The following CRPPA variants were observed in gnomAD, a reference collection of about 807,000 sequenced individuals.
CRPPA encodes the protein CDP-L-ribitol pyrophosphorylase A, also known as D-ribitol-5-phosphate cytidylyltransferase.
CRPPA carries 43 observed loss-of-function variants against 52.0 expected under a neutral mutation model. The observed-to-expected ratio is 0.83, with a 90% confidence interval of 0.65 to 1.07. The LOEUF is 1.07. CRPPA is among the 50% of genes least tolerant of loss of function. The pLI is 0.00. For synonymous variants in CRPPA, 250 were observed against 203.5 expected (o/e 1.23, Z -1.94); for missense variants, 629 against 551.7 (o/e 1.14, Z -1.40).
rs544795408 is a variant in CRPPA, at chr7:16,378,091, CTTTT to C, written c.535-1854_535-1851del. On this transcript the variant is annotated intron_variant, in intron 2 of 9. Coordinates refer to ENST00000407010, the MANE Select transcript of CRPPA (RefSeq NM_001101426.4). ...TAAAGCAGTGATGTGGTGATTTTTC[CTTTT>C]TTTTTAATTTTTTTAAATTTTATTA... Among the ~76,000 whole-genome samples, 5 of 151,210 alleles carry C rather than the reference CTTTT, an allele frequency of 3.3e-5. No individual in the cohort carries two copies. In the East Asian group the frequency reaches 7.8e-4, roughly 23 times the overall value.
intron 3 of CRPPA, among the ~76,000 whole-genome samples, chr7:16,373,927 C>A (rs1467127230): frequency 6.6e-6 from 1 of 152,096 alleles, no homozygotes; most frequent in Non-Finnish European, 1.5e-5. Context: ...TTTATTTTGC[C>A]ACATTCAACA....
At chr7:16,190,535 G>C (rs1781587594) in intron 9 of CRPPA, among the ~76,000 whole-genome samples, 1 of 152,150 alleles carries the variant, frequency 6.6e-6, no homozygotes, top group Non-Finnish European at 1.5e-5. Flanking sequence ...ACACAGGTCT[G>C]ATTATGCTAT....
chr7:16,140,076 C>A (rs924611390), intron 9 of CRPPA, among the ~76,000 whole-genome samples: 1 of 151,952 alleles, frequency 6.6e-6, no homozygotes, highest in African/African-American at 2.4e-5. Context: ...GAATACTATA[C>A]AAGATAGAGG....
At chr7:16,150,006 G>GA (rs145615307) in intron 9 of CRPPA, among the ~76,000 whole-genome samples, 1 of 150,170 alleles carries the variant, frequency 6.7e-6, no homozygotes, top group African/African-American at 2.4e-5. Flanking sequence ...AGAGAGAAAA[G>GA]AAAAAAAGAA....
rs932344938 is a variant in CRPPA, at chr7:16,279,502, C to G, written c.836-1276G>C. On this transcript the variant is annotated intron_variant, in intron 5 of 9. Transcript: ENST00000407010. ...GGACATGAGTAGTAGAAAAAGGATT[C>G]AAATCCAAAAAAATAAATCTGTAAT... Among the ~76,000 whole-genome samples the G allele has an allele frequency of 2.6e-5, 4 of 152,148 alleles. No individual in the cohort carries two copies. The East Asian group carries it at 7.7e-4, about 29-fold the overall frequency.
chr7:16,221,732 A>T (rs1373240222), intron 8 of CRPPA, among the ~76,000 whole-genome samples: 7 of 152,064 alleles, frequency 4.6e-5, no homozygotes, highest in Non-Finnish European at 7.4e-5. Context: ...AATGCAAATC[A>T]AAACCACAAT....
chr7:16,369,590 AGG>A lies in CRPPA; in HGVS notation c.684+6500_684+6501del, dbSNP rs1786695551. On this transcript the variant is annotated intron_variant, in intron 3 of 9. Transcript: ENST00000407010. ...GCCCTCACAGAACTGAGGTTTTAAT[AGG>A]AAAGATACACACCAAAAAAGATATA... 3.9e-5 allele frequency among the ~76,000 whole-genome samples: 6 copies of A among 152,342 alleles called. No homozygotes were observed. In the South Asian group the frequency reaches 1.2e-3, roughly 32 times the overall value.
chr7:16,209,531 C>G (rs1000974831), intron 9 of CRPPA, among the ~76,000 whole-genome samples: 3 of 152,068 alleles, frequency 2.0e-5, no homozygotes, highest in African/African-American at 7.2e-5. Flanking sequence ...CTCAGCTTCC[C>G]AAAGTGTTGG....
intron 8 of CRPPA, among the ~76,000 whole-genome samples, chr7:16,238,707 C>T (rs1783017812): frequency 1.3e-5 from 2 of 152,168 alleles, no homozygotes; most frequent in African/African-American, 4.8e-5. Context: ...AATACCATAT[C>T]ACCTGATTCA....
intron 1 of CRPPA, 63 bp downstream of exon 1, chr7:16,421,003 G>A (rs929022762): frequency 5.2e-5 from 65 of 1,239,596 alleles, no homozygotes; most frequent in South Asian, 3.8e-4. Context: ...TAGAGCAGCG[G>A]CAGGGCGGGG....
At chr7:16,273,262 T>C (rs1784129406) in intron 6 of CRPPA, among the ~76,000 whole-genome samples, 1 of 151,906 alleles carries the variant, frequency 6.6e-6, no homozygotes, top group South Asian at 2.1e-4. Context: ...AGTGAGAACA[T>C]GCATTCCTGT....
rs751170345 is a variant in CRPPA at position 16,403,467 on chromosome 7, CT to C, written c.534+2593del. The stretch of plus-strand genomic sequence containing the variant: ...TAGCATACATAACCCACCCCTCCCC[CT>C]AAAGATAATCACAGTGTAGCTTGTT... On this transcript the variant is annotated intron_variant, in intron 2 of 9. Transcript: ENST00000407010. 3.9e-5 allele frequency among the ~76,000 whole-genome samples: 6 copies of C among 152,184 alleles called. No homozygotes were observed. The East Asian group carries it at 1.2e-3, about 29-fold the overall frequency.
chr7:16,382,668 T>A (rs953051317), intron 2 of CRPPA, among the ~76,000 whole-genome samples: 1 of 152,078 alleles, frequency 6.6e-6, no homozygotes, highest in Non-Finnish European at 1.5e-5. Context: ...TAGTCCCATA[T>A]TTCTTGGAGG....
At chr7:16,335,989 G>C (rs1451123442) in intron 3 of CRPPA, among the ~76,000 whole-genome samples, 1 of 152,110 alleles carries the variant, frequency 6.6e-6, no homozygotes, top group Non-Finnish European at 1.5e-5. Context: ...AAAAAATACT[G>C]TCAAACAAGA....
At chr7:16,162,606 C>G (rs1780926577) in intron 9 of CRPPA, among the ~76,000 whole-genome samples, 1 of 152,124 alleles carries the variant, frequency 6.6e-6, no homozygotes, top group African/African-American at 2.4e-5. Context: ...ATTATGTGGT[C>G]AATTTTAGAA....
At chr7:16,175,058 G>A (rs1417948710) in intron 9 of CRPPA, among the ~76,000 whole-genome samples, 2 of 152,168 alleles carry the variant, frequency 1.3e-5, no homozygotes, top group Non-Finnish European at 2.9e-5. Context: ...ATATGGCTCA[G>A]TGGAAATGTA....
At chr7:16,257,007 A>G (rs77398067) in intron 8 of CRPPA, among the ~76,000 whole-genome samples, 1,853 of 152,262 alleles carry the variant, frequency 0.012, 39 homozygotes, top group African/African-American at 0.042. Context: ...AGACAAAAAA[A>G]GAGGACCATA....
Position 16,091,779 on chromosome 7 carries a change from C to T in CRPPA, c.1272G>A (p.Glu424=). 5.9e-6 allele frequency: 9 copies of T among 1,533,268 alleles called. No homozygotes were observed. The highest frequency in any genetic ancestry group is 7.9e-6 in the Non-Finnish European group (9 of 1,138,420). The allele number at this position is 1,533,268 out of a possible 1,614,324, so 95.0% of individuals were successfully genotyped here. The change falls in exon 10 of 10, where the codon GAG becomes GAA. Residue 424 remains glutamate (E), a synonymous_variant. Transcript: ENST00000407010. ...TAATGATAGCACCTTGCCTTAAACTCTCCTGTAGCTTCTGATCATCCTGAA... is the reference window on the plus strand; with the variant it reads ...TAATGATAGCACCTTGCCTTAAACTTTCCTGTAGCTTCTGATCATCCTGAA... ...SYPQDDQKLQ[E]SLRQGAIIIA... is the part of the protein sequence containing the mutation.
chr7:16,406,480 G>C lies in CRPPA; in HGVS notation c.258-143C>G, dbSNP rs188552858. The C allele has an allele frequency of 6.8e-5, 45 of 664,844 alleles. No homozygotes were observed. The African/African-American group carries it at 7.4e-4, about 11-fold the overall frequency. 41.2% of individuals were successfully genotyped at this position (664,844 alleles called of 1,614,324 possible). ...TAATAAAACAGTTTTATGCATTCTC[G>C]TTAGGTCCAGTAAAGAGGCTGATGA... is the stretch of plus-strand genomic sequence containing the variant. On this transcript the variant is annotated intron_variant, in intron 1 of 9. Transcript: ENST00000407010.
Sources: allele counts gnomAD v4.1 joint callset (sites outside exome capture counted in the v4.1 genomes callset), GRCh38; gene constraint gnomAD v4.1.1; transcripts MANE v1.5; gene names NCBI Gene and HGNC (gene_info 2026-07-23, HGNC 2026-07-21).